ANK3: variants seen among roughly 807,000 people sequenced by gnomAD.
The protein encoded by ANK3 is ankyrin-3.
A neutral mutation model predicts 370.9 loss-of-function variants in ANK3; 57 were observed. The observed-to-expected ratio is 0.15, with a 90% CI of 0.12 to 0.19. ANK3 has a LOEUF of 0.19. ANK3 is among the 10% of genes least tolerant of loss of function. The pLI, the probability that ANK3 is intolerant of heterozygous loss-of-function variation, is 1.00. For synonymous variants in ANK3, 1,929 were observed against 1,946.3 expected (o/e 0.99, Z 0.23); for missense variants, 4,439 against 5,302.1 (o/e 0.84, Z 5.06).
At chr10:60,565,861 G>C (rs2077447397) in intron 2 of ANK3, among the ~76,000 whole-genome samples, 2 of 152,146 alleles carry the variant, frequency 1.3e-5, no homozygotes, top group Non-Finnish European at 2.9e-5. Flanking sequence ...AGCTTTATTT[G>C]ATTCCCTTAA....
chr10:60,178,331 A>G (rs955804879), intron 18 of ANK3, among the ~76,000 whole-genome samples: 11 of 152,194 alleles, frequency 7.2e-5, no homozygotes, highest in African/African-American at 2.7e-4. Context: ...TGTGGTTAAA[A>G]TCAGGCTTTG....
intron 2 of ANK3, among the ~76,000 whole-genome samples, chr10:60,465,770 C>A (rs1252191423): frequency 1.5e-5 from 2 of 137,684 alleles, no homozygotes; most frequent in East Asian, 4.2e-4. Flanking sequence ...GAATAGTTTT[C>A]TTTTTCTTTT....
intron 1 of ANK3, among the ~76,000 whole-genome samples, chr10:60,693,524 T>C (rs1024534744): frequency 3.9e-5 from 6 of 152,228 alleles, no homozygotes; most frequent in Admixed American, 3.9e-4. Context: ...AAGAGAGCAG[T>C]GGTTCTCCCA....
chr10:60,507,169 A>G (rs2133155326), intron 2 of ANK3, among the ~76,000 whole-genome samples: 1 of 152,168 alleles, frequency 6.6e-6, no homozygotes, highest in South Asian at 2.1e-4. Context: ...TTATGTATCA[A>G]TTTTTCTAAA....
chr10:60,250,117 T>C (rs561835964), intron 7 of ANK3, among the ~76,000 whole-genome samples: 34 of 152,368 alleles, frequency 2.2e-4, no homozygotes, highest in South Asian at 4.1e-4. Context: ...AAATGATTTT[T>C]AAAGACTTCC....
chr10:60,297,698 ATAACT>A (rs937837360), intron 1 of ANK3, among the ~76,000 whole-genome samples: 1 of 152,152 alleles, frequency 6.6e-6, no homozygotes, highest in African/African-American at 2.4e-5. Context: ...GGTCTTACAG[ATAACT>A]TAAATTTGAT....
At chr10:60,630,888 G>A (rs10821808) in intron 1 of ANK3, among the ~76,000 whole-genome samples, 78,136 of 151,848 alleles carry the variant, frequency 0.51, 20,050 homozygotes, top group Admixed American at 0.57. Flanking sequence ...AGGCTACAAC[G>A]TCACCAATAT....
chr10:60,034,081 GTT>G (rs56758673), intron 43 of ANK3, among the ~76,000 whole-genome samples: 1 of 105,414 alleles, frequency 9.5e-6, no homozygotes. Flanking sequence ...TTCTGTTTTT[GTT>G]TTTTTTTTTG....
upstream of ANK3, among the ~76,000 whole-genome samples, chr10:60,394,495 C>A (rs1457086097): frequency 2.0e-5 from 3 of 152,078 alleles, no homozygotes; most frequent in African/African-American, 7.2e-5. Flanking sequence ...TCCAGCTTGA[C>A]CTCAGTGCTG....
intron 2 of ANK3, among the ~76,000 whole-genome samples, chr10:60,409,838 A>C (rs913741740): frequency 1.3e-5 from 2 of 152,172 alleles, no homozygotes; most frequent in South Asian, 4.1e-4. Flanking sequence ...AAAATATATG[A>C]TGTGCCTCCC....
chr10:60,434,528 A>G (rs1252487128), intron 2 of ANK3, among the ~76,000 whole-genome samples: 1 of 152,226 alleles, frequency 6.6e-6, no homozygotes, highest in Non-Finnish European at 1.5e-5. Context: ...CTTGATCATC[A>G]ACTCCTAGTT....
chr10:60,415,916 G>GCCCACC (rs2063653404), intron 2 of ANK3, among the ~76,000 whole-genome samples: 1 of 81,190 alleles, frequency 1.2e-5, no homozygotes. Flanking sequence ...CTGAATTTGT[G>GCCCACC]CCCCCCACCC....
At chr10:60,589,333 T>C (rs555676720) in intron 2 of ANK3, among the ~76,000 whole-genome samples, 1 of 152,186 alleles carries the variant, frequency 6.6e-6, no homozygotes, top group African/African-American at 2.4e-5. Context: ...TGATAAAAAG[T>C]TTAGGCAAAA....
chr10:60,505,331 A>AT (rs1259121319), intron 2 of ANK3, among the ~76,000 whole-genome samples: 2 of 152,140 alleles, frequency 1.3e-5, no homozygotes, highest in Non-Finnish European at 2.9e-5. Context: ...TATAAATTAT[A>AT]TTTTTGAAAG....
intron 16 of ANK3, among the ~76,000 whole-genome samples, chr10:60,193,149 A>G (rs1035173894): frequency 6.6e-6 from 1 of 152,234 alleles, no homozygotes; most frequent in African/African-American, 2.4e-5. Flanking sequence ...TGGAAATGAG[A>G]ATCAATGTCC....
chr10:60,072,899 T>C lies in ANK3; in HGVS notation c.7982A>G (p.Lys2661Arg). ...QHGPDGQGFP[K>R]AEEKAPSLPS... ...CAGACTGGGTGCCTTCTCCTCGGCC[T>C]TGGGGAAGCCTTGTCCATCAGGGCC... Residue 2661 changes from lysine to arginine, a missense_variant, in exon 37 of 44, where the codon AAG becomes AGG. By Grantham distance (26) the Lys-to-Arg change is conservative (BLOSUM62 2). This residue lies in a region of ANK3 where 1,601 missense variants were observed against 1,731.7 expected (regional missense o/e 0.92). Transcript: ENST00000280772. The C allele has an allele frequency of 6.2e-7, 1 of 1,614,076 alleles. No homozygotes were observed. The highest frequency in any genetic ancestry group is 8.5e-7 in the Non-Finnish European group (1 of 1,179,992).
At chr10:60,318,733 C>T (rs1264208161) in intron 1 of ANK3, among the ~76,000 whole-genome samples, 1 of 152,180 alleles carries the variant, frequency 6.6e-6, no homozygotes, top group Non-Finnish European at 1.5e-5. Flanking sequence ...CCTCGCCACC[C>T]TGCCCCCTTT....
intron 2 of ANK3, among the ~76,000 whole-genome samples, chr10:60,521,687 T>G (rs1356614182): frequency 6.6e-6 from 1 of 152,134 alleles, no homozygotes; most frequent in African/African-American, 2.4e-5. Flanking sequence ...AAACATCATT[T>G]GTGGTTTCTT....
rs763679409 is a variant in ANK3 at position 60,069,826 on chromosome 10, G to T, written c.11055C>A (p.Ser3685Arg). ...CCTGACACTCTCCGCTGGTCGGGAT[G>T]CTGGGGTTAGGTTCCACTGTAGGTG... ...VETPTVEPNP[S>R]IPTSGECQEG... Residue 3685 changes from serine to arginine, a missense_variant, in exon 37 of 44, where the codon AGC becomes AGA. Ser to Arg is a moderately radical substitution (Grantham distance 110, BLOSUM62 -1). This residue lies in a region of ANK3 where 496 missense variants were observed against 529.3 expected (regional missense o/e 0.94). Transcript: ENST00000280772. The T allele has an allele frequency of 1.9e-6, 3 of 1,614,112 alleles. No homozygotes were observed. The highest frequency in any genetic ancestry group is 2.5e-6 in the Non-Finnish European group (3 of 1,180,014).
Sources: allele counts gnomAD v4.1 joint callset (sites outside exome capture counted in the v4.1 genomes callset), GRCh38; gene constraint gnomAD v4.1.1; regional missense constraint gnomAD v4.1.1; transcripts MANE v1.5; gene names NCBI Gene and HGNC (gene_info 2026-07-23, HGNC 2026-07-21).